Variants in ZNF638 observed in about 807,000 individuals in gnomAD.
ZNF638 encodes the protein zinc finger protein 638.
In ZNF638, 46 loss-of-function variants were observed where a neutral mutation model predicts 195.6. The ratio of observed to expected loss-of-function variants is 0.24; its 90% CI spans 0.19 to 0.30. The LOEUF (loss-of-function observed/expected upper bound fraction) is 0.30. Ranked by LOEUF, ZNF638 falls within the 10% of genes least tolerant of loss-of-function variation. ZNF638 has a pLI of 1.00. For missense variants in ZNF638, 2,440 were observed against 2,325.3 expected, an observed-to-expected ratio of 1.05 and a Z score of -1.01; for synonymous variants, 845 against 772.0, an observed-to-expected ratio of 1.09 and a Z score of -1.57.
Position 71,334,790 on chromosome 2 carries a change from G to A in ZNF638, c.-203+2915G>A, listed in dbSNP as rs551619774. ...AAAAAAATTAGCCGGGCGTGGTGGCGGGCGCCTGTAGTCCCAGCGACTCGG... is the reference window on the plus strand; with the variant it reads ...AAAAAAATTAGCCGGGCGTGGTGGCAGGCGCCTGTAGTCCCAGCGACTCGG... On this transcript the variant is annotated intron_variant, in intron 1 of 27. Transcript: ENST00000264447. Among the ~76,000 whole-genome samples, 24 of 152,016 alleles carry A rather than the reference G, an allele frequency of 1.6e-4. No homozygotes were observed. In the South Asian group the frequency reaches 4.4e-3, roughly 28 times the overall value.
intron 27 of ZNF638, 62 bp from the exon 28 acceptor site, chr2:71,434,680 G>A: frequency 3.6e-6 from 5 of 1,405,468 alleles, no homozygotes; most frequent in Middle Eastern, 1.8e-4. Flanking sequence ...CAGTAGATAA[G>A]TTTGCACACA....
At chr2:71,390,863 G>C (rs1243391213) in intron 10 of ZNF638, among the ~76,000 whole-genome samples, 1 of 149,536 alleles carries the variant, frequency 6.7e-6, no homozygotes, top group Non-Finnish European at 1.5e-5. Flanking sequence ...GTGATTTGGA[G>C]GGAAAAAACA....
chr2:71,353,022 G>A (rs1218270775), intron 2 of ZNF638, among the ~76,000 whole-genome samples: 1 of 152,170 alleles, frequency 6.6e-6, no homozygotes, highest in Non-Finnish European at 1.5e-5. Context: ...GATTTGTGAA[G>A]ATGGATTTCG....
At chr2:71,346,275 G>C (rs1045267092) in intron 1 of ZNF638, among the ~76,000 whole-genome samples, 1 of 152,182 alleles carries the variant, frequency 6.6e-6, no homozygotes, top group Non-Finnish European at 1.5e-5. Flanking sequence ...TAAGCAATGC[G>C]TATCTTTTAG....
chr2:71,388,489 T>C, intron 10 of ZNF638: 1 of 698,252 alleles, frequency 1.4e-6, no homozygotes, highest in East Asian at 2.7e-5. Flanking sequence ...AAATCTGTAC[T>C]AAATAAATAC....
rs552947159 is a variant in ZNF638 at position 71,433,024 on chromosome 2, T to C, written c.5753-141T>C. The stretch of plus-strand genomic sequence containing the variant: ...ATCACATGAACCCAGGAGGCAGAGG[T>C]TGCAGTGAGCTGACATCGCGCCACT... On this transcript the variant is annotated intron_variant, in intron 26 of 27. Coordinates refer to ENST00000264447, the MANE Select transcript of ZNF638 (RefSeq NM_014497.5). 47 of 686,954 alleles carry C rather than the reference T, an allele frequency of 6.8e-5. No individual in the cohort carries two copies. In the Admixed American group the frequency reaches 7.9e-4, roughly 12 times the overall value. The allele number at this position is 686,954 out of a possible 1,614,324, so 42.6% of individuals were successfully genotyped here.
At chr2:71,388,292 C>T (rs1558861121) in intron 10 of ZNF638, 1 of 401,614 alleles carries the variant, frequency 2.5e-6, no homozygotes, top group East Asian at 6.0e-5. Flanking sequence ...AGTTTATTTA[C>T]TTTTGCCGAC....
chr2:71,375,918 C>A (rs1199769526), intron 8 of ZNF638: 3 of 152,130 alleles, frequency 2.0e-5, no homozygotes, highest in African/African-American at 4.8e-5. Flanking sequence ...GGAATAGTGG[C>A]TTATACTAGT....
At chr2:71,358,192 C>G (rs1205560061) in intron 3 of ZNF638, among the ~76,000 whole-genome samples, 4 of 152,210 alleles carry the variant, frequency 2.6e-5, no homozygotes, top group Non-Finnish European at 2.9e-5. Context: ...ATTAGAAAGA[C>G]ACTGGCTATT....
chr2:71,348,506 A>G, intron 1 of ZNF638: 1 of 1,131,654 alleles, frequency 8.8e-7, no homozygotes, highest in Non-Finnish European at 1.1e-6. Flanking sequence ...CACCTAGGAC[A>G]GCACCCAGTG....
chr2:71,421,361 AT>A (rs35168442), intron 21 of ZNF638, among the ~76,000 whole-genome samples: 36,075 of 144,306 alleles, frequency 0.25, 5,551 homozygotes, highest in African/African-American at 0.45. Flanking sequence ...GGGTGTGATT[AT>A]TTTAAAAAAA....
intron 15 of ZNF638, 61 bp from the exon 16 acceptor site, chr2:71,401,895 A>C: frequency 7.0e-7 from 1 of 1,432,500 alleles, no homozygotes; most frequent in Non-Finnish European, 9.4e-7. Context: ...ACACAGTATA[A>C]ACTTAAGTAA....
intron 26 of ZNF638, 126 bp from the exon 27 acceptor site, chr2:71,433,039 A>T: frequency 1.3e-6 from 1 of 743,974 alleles, no homozygotes; most frequent in Non-Finnish European, 2.3e-6. Context: ...GTGAGCTGAC[A>T]TCGCGCCACT....
chr2:71,340,764 A>G (rs1295575018), intron 1 of ZNF638, among the ~76,000 whole-genome samples: 1 of 152,160 alleles, frequency 6.6e-6, no homozygotes, highest in Non-Finnish European at 1.5e-5. Flanking sequence ...CACTTAATGT[A>G]TCTGGTATAT....
chr2:71,411,474 A>ATTTT (rs537942317), intron 20 of ZNF638, among the ~76,000 whole-genome samples: 22 of 122,732 alleles, frequency 1.8e-4, no homozygotes, highest in Non-Finnish European at 2.7e-4. Context: ...TTTATTTTTA[A>ATTTT]TTTTTTTTTT....
At chr2:71,373,280 C>G (rs568283437) in intron 8 of ZNF638, among the ~76,000 whole-genome samples, 4 of 146,412 alleles carry the variant, frequency 2.7e-5, no homozygotes, top group African/African-American at 1.1e-4. Context: ...AGTGAGTTGT[C>G]TGTATCTTTT....
intron 5 of ZNF638, 103 bp downstream of exon 5, chr2:71,364,355 G>C: frequency 1.6e-6 from 2 of 1,271,636 alleles, no homozygotes; most frequent in Middle Eastern, 2.1e-4. Flanking sequence ...TTAAATTTTA[G>C]AGTTGATAAA....
chr2:71,348,059 A>G (rs1287360656), intron 1 of ZNF638, among the ~76,000 whole-genome samples: 1 of 152,192 alleles, frequency 6.6e-6, no homozygotes, highest in African/African-American at 2.4e-5. Flanking sequence ...ATCCATATAT[A>G]TTCGTCCATA....
intron 3 of ZNF638, among the ~76,000 whole-genome samples, chr2:71,360,593 T>G (rs2079092913): frequency 6.6e-6 from 1 of 152,160 alleles, no homozygotes; most frequent in South Asian, 2.1e-4. Flanking sequence ...CTTTTTTTTT[T>G]GTTTGAGAAG....
Sources: allele counts gnomAD v4.1 joint callset (sites outside exome capture counted in the v4.1 genomes callset), GRCh38; gene constraint gnomAD v4.1.1; transcripts MANE v1.5; gene names NCBI Gene and HGNC (gene_info 2026-07-23, HGNC 2026-07-21).